Variants in PDLIM5 observed in about 807,000 individuals in gnomAD.
PDLIM5 encodes PDZ and LIM domain 5, also known as PDZ and LIM domain protein 5.
PDLIM5 carries 34 observed loss-of-function variants against 64.2 expected under a neutral mutation model. The observed-to-expected ratio is 0.53, with a 90% CI of 0.40 to 0.71. The LOEUF (loss-of-function observed/expected upper bound fraction) is 0.71, where lower values mean the gene tolerates loss of function less well. Ranked by LOEUF, PDLIM5 falls within the 30% of genes least tolerant of loss-of-function variation. The probability of loss-of-function intolerance (pLI) is 0.00; values close to 1 mark genes in which losing one functional copy is unlikely to be tolerated. For missense variants in PDLIM5, 683 were observed against 733.6 expected (o/e 0.93, Z 0.80); for synonymous variants, 253 against 269.1 (o/e 0.94, Z 0.59).
Position 94,569,954 on chromosome 4 carries a change from A to G in PDLIM5, c.249-3397A>G, listed in dbSNP as rs867504770. On this transcript the variant is annotated intron_variant, in intron 3 of 12. Coordinates refer to ENST00000317968, the MANE Select transcript of PDLIM5 (RefSeq NM_006457.5). ...CCCTCTTATTTTCTTCCTTTCTTCC[A>G]TCCATTGGTTCTCTGGCTTGACTTT... Among the ~76,000 whole-genome samples the G allele has an allele frequency of 9.9e-5, 15 of 152,122 alleles. No individual in the cohort carries two copies. The South Asian group carries it at 1.0e-3, about 11-fold the overall frequency.
intron 5 of PDLIM5, among the ~76,000 whole-genome samples, chr4:94,582,240 C>T (rs1046626155): frequency 1.1e-4 from 16 of 152,102 alleles, no homozygotes; most frequent in Non-Finnish European, 5.9e-5. Flanking sequence ...CTCTTATTCT[C>T]TTCTGATTTT....
chr4:94,486,571 C>T (rs1327638026), intron 2 of PDLIM5, among the ~76,000 whole-genome samples: 4 of 152,108 alleles, frequency 2.6e-5, no homozygotes, highest in Non-Finnish European at 5.9e-5. Flanking sequence ...CCTTGCAGTG[C>T]GGTCTAAGTG....
In PDLIM5 at chr4:94,608,295, A is replaced by G. The variant is rs958167204; in HGVS notation, c.921-9709A>G. 3 of 514,700 alleles carry G rather than the reference A, an allele frequency of 5.8e-6. No homozygotes were observed. In the African/African-American group the frequency reaches 5.8e-5, roughly 10 times the overall value. 31.9% of individuals were successfully genotyped at this position (514,700 alleles called of 1,614,324 possible). On this transcript the variant is annotated intron_variant, in intron 7 of 12. Coordinates refer to ENST00000317968, the MANE Select transcript of PDLIM5 (RefSeq NM_006457.5). Reference sequence around the variant, plus strand: ...ATTACAGAACGGACATCATTAACCTATAGACAAGAAAGCTTGGCACTCAGC... The same window carrying G: ...ATTACAGAACGGACATCATTAACCTGTAGACAAGAAAGCTTGGCACTCAGC...
At chr4:94,479,296 G>T (rs1170791083) in intron 2 of PDLIM5, among the ~76,000 whole-genome samples, 2 of 145,476 alleles carry the variant, frequency 1.4e-5, no homozygotes, top group Non-Finnish European at 3.0e-5. Flanking sequence ...ACAAAATGGC[G>T]CTTTTAGGAA....
intron 8 of PDLIM5, among the ~76,000 whole-genome samples, chr4:94,622,685 C>T (rs1739334732): frequency 6.7e-6 from 1 of 149,448 alleles, no homozygotes; most frequent in South Asian, 2.2e-4. Context: ...TTCCCTCCTT[C>T]CTTCCCTTCC....
intron 2 of PDLIM5, among the ~76,000 whole-genome samples, chr4:94,521,802 T>G (rs550534199): frequency 6.6e-6 from 1 of 152,134 alleles, no homozygotes; most frequent in Admixed American, 6.5e-5. Context: ...TCAGACTACT[T>G]TATGTGAGGA....
At chr4:94,606,229 CT>C (rs1737906095) in intron 7 of PDLIM5, among the ~76,000 whole-genome samples, 2 of 152,122 alleles carry the variant, frequency 1.3e-5, no homozygotes, top group South Asian at 4.1e-4. Context: ...AGCTTCTAGT[CT>C]TCTGAGACTG....
intron 7 of PDLIM5, chr4:94,611,187 G>A: frequency 6.5e-7 from 1 of 1,535,170 alleles, no homozygotes; most frequent in Non-Finnish European, 8.7e-7. Context: ...CTCTATCCAT[G>A]TTAAGAAAAC....
At chr4:94,467,511 A>G (rs1724478926) in intron 2 of PDLIM5, among the ~76,000 whole-genome samples, 1 of 152,018 alleles carries the variant, frequency 6.6e-6, no homozygotes, top group South Asian at 2.1e-4. Flanking sequence ...ACAGGGTTTC[A>G]TCATTTTGGC....
intron 7 of PDLIM5, chr4:94,587,220 A>G (rs1736301987): frequency 4.2e-6 from 6 of 1,421,490 alleles, no homozygotes; most frequent in East Asian, 3.1e-5. Context: ...ACAATTTCCT[A>G]TTGTTGTGAG....
chr4:94,627,250 G>C (rs746655529), intron 8 of PDLIM5, among the ~76,000 whole-genome samples: 23 of 152,152 alleles, frequency 1.5e-4, no homozygotes, highest in Non-Finnish European at 3.1e-4. Context: ...TACATAACAA[G>C]TAGATTTTTG....
At chr4:94,659,728 C>T (rs554390868) in intron 11 of PDLIM5, among the ~76,000 whole-genome samples, 34 of 151,902 alleles carry the variant, frequency 2.2e-4, no homozygotes, top group Non-Finnish European at 2.4e-4. Context: ...CGGGGTTTCA[C>T]CATGTTAGCC....
chr4:94,633,910 A>G, intron 8 of PDLIM5, among the ~76,000 whole-genome samples: 1 of 152,180 alleles, frequency 6.6e-6, no homozygotes, highest in East Asian at 1.9e-4. Context: ...TGAGGGAGCA[A>G]GCCGTGTGAA....
chr4:94,595,771 A>G lies in PDLIM5; in HGVS notation c.920+9327A>G, dbSNP rs73834205. Among the ~76,000 whole-genome samples, 827 of 152,278 alleles carry G rather than the reference A, an allele frequency of 5.4e-3. 9 individuals carry two copies. The highest frequency in any genetic ancestry group is 0.019 in the African/African-American group (790 of 41,564). On this transcript the variant is annotated intron_variant, in intron 7 of 12. Coordinates refer to ENST00000317968, the MANE Select transcript of PDLIM5 (RefSeq NM_006457.5). ...TTATTAAGACACGTTAGTTGAGTAT[A>G]TTACCTAAAGCTGCTATTCTTAATA...
At chr4:94,545,217 T>G (rs1022954237) in intron 3 of PDLIM5, among the ~76,000 whole-genome samples, 1 of 152,244 alleles carries the variant, frequency 6.6e-6, no homozygotes, top group Non-Finnish European at 1.5e-5. Flanking sequence ...TCAGGCTTAT[T>G]TATAACTCTA....
chr4:94,642,312 A>G (rs139222240), intron 9 of PDLIM5, among the ~76,000 whole-genome samples: 93 of 152,308 alleles, frequency 6.1e-4, no homozygotes, highest in Non-Finnish European at 1.1e-3. Context: ...ATCAAATTCC[A>G]TGATATCCTG....
chr4:94,560,973 C>A (rs577176680), intron 3 of PDLIM5, among the ~76,000 whole-genome samples: 1 of 152,014 alleles, frequency 6.6e-6, no homozygotes, highest in Non-Finnish European at 1.5e-5. Context: ...ATGATCCGCC[C>A]GCCTCGGCCT....
intron 2 of PDLIM5, chr4:94,456,771 T>C: frequency 1.6e-6 from 2 of 1,230,692 alleles, no homozygotes; most frequent in Admixed American, 4.1e-5. Flanking sequence ...TTTACACTTT[T>C]GTGCAACGCA....
At chr4:94,602,849 T>C (rs761349910) in intron 7 of PDLIM5, among the ~76,000 whole-genome samples, 32 of 152,164 alleles carry the variant, frequency 2.1e-4, no homozygotes, top group Non-Finnish European at 3.7e-4. Context: ...AAGTACTAAC[T>C]TTAGTAAATT....
Sources: gnomAD v4.1 joint callset for allele counts (sites outside exome capture counted in the v4.1 genomes callset) on GRCh38, gnomAD v4.1.1 for gene constraint, MANE v1.5 for transcripts, NCBI Gene and HGNC (gene_info 2026-07-23, HGNC 2026-07-21) for gene names.